IFT74: variants seen among roughly 807,000 people sequenced by gnomAD.
IFT74 encodes intraflagellar transport protein 74 homolog.
IFT74 carries 92 observed loss-of-function variants against 96.7 expected under a neutral mutation model. That is an observed-to-expected ratio of 0.95 (90% CI 0.80 to 1.13). The LOEUF is 1.13. Among genes scored for constraint, IFT74 ranks in the 50% most tolerant of loss-of-function variants. The probability of loss-of-function intolerance (pLI) is 0.00; values close to 1 mark genes in which losing one functional copy is unlikely to be tolerated. For missense variants in IFT74, 811 were observed against 698.2 expected (o/e 1.16, Z -1.82); for synonymous variants, 223 against 213.2 (o/e 1.05, Z -0.40).
intron 4 of IFT74, chr9:26,984,035 C>A: frequency 3.3e-6 from 1 of 307,446 alleles, no homozygotes. Context: ...GCGCCTGCCT[C>A]GGCCTCCCAA....
intron 13 of IFT74, chr9:27,036,430 C>T: frequency 6.2e-7 from 1 of 1,612,454 alleles, no homozygotes; most frequent in Non-Finnish European, 8.5e-7. Context: ...TCTTTGTACC[C>T]ACGGGTTCTT....
chr9:27,056,796 T>G (rs1011763768), intron 18 of IFT74, among the ~76,000 whole-genome samples: 3 of 152,024 alleles, frequency 2.0e-5, no homozygotes, highest in Non-Finnish European at 2.9e-5. Context: ...TAATGATTAG[T>G]ACCCCACCAC....
In IFT74 at chr9:27,050,856, C is replaced by T. The variant is rs1819890406; in HGVS notation, c.1333+2582C>T. Among the ~76,000 whole-genome samples the T allele has an allele frequency of 5.3e-5, 8 of 151,966 alleles. No individual in the cohort carries two copies. The South Asian group carries it at 1.7e-3, about 32-fold the overall frequency. The stretch of plus-strand genomic sequence containing the variant: ...ATATGTAACAAACCTGCACGTTGTG[C>T]ACATGTACCCTAGAACTTAAAGTAT... On this transcript the variant is annotated intron_variant, in intron 16 of 19. Coordinates refer to ENST00000380062, the MANE Select transcript of IFT74 (RefSeq NM_025103.4).
chr9:27,049,466 C>T (rs1564002480), intron 16 of IFT74, among the ~76,000 whole-genome samples: 1 of 152,060 alleles, frequency 6.6e-6, no homozygotes, highest in Non-Finnish European at 1.5e-5. Flanking sequence ...CTGTTAGAAA[C>T]TGTTTGTTTA....
intron 8 of IFT74, among the ~76,000 whole-genome samples, chr9:26,996,899 A>G (rs1353287219): frequency 6.6e-6 from 1 of 152,156 alleles, no homozygotes; most frequent in African/African-American, 2.4e-5. Flanking sequence ...TGACATTATC[A>G]TCTCACATGT....
chr9:27,013,464 ATGT>A (rs1480654573), intron 10 of IFT74, among the ~76,000 whole-genome samples: 2 of 152,230 alleles, frequency 1.3e-5, no homozygotes, highest in African/African-American at 4.8e-5. Flanking sequence ...CAGTTTAAAA[ATGT>A]TGTCAGATTG....
In IFT74 at chr9:26,990,083, A is replaced by T. The variant is rs113149238; in HGVS notation, c.526-51A>T. The stretch of plus-strand genomic sequence containing the variant: ...TAGCCAAAATAACCTACAAAGAAAA[A>T]ATTTGGTTTAATATTTATTTCTTAC... On this transcript the variant is annotated intron_variant, in intron 7 of 19. Transcript: ENST00000380062. The T allele has an allele frequency of 2.8e-4, 309 of 1,121,114 alleles. No homozygotes were observed. In the African/African-American group the frequency reaches 4.2e-3, roughly 15 times the overall value. 69.4% of individuals were successfully genotyped at this position (1,121,114 alleles called of 1,614,324 possible).
At chr9:26,964,714 G>A (rs1426934385) in intron 2 of IFT74, among the ~76,000 whole-genome samples, 2 of 151,966 alleles carry the variant, frequency 1.3e-5, no homozygotes, top group African/African-American at 4.8e-5. Flanking sequence ...GATGCTAGGG[G>A]TAATATTATA....
At chr9:27,055,581 A>T (rs1480085281) in intron 16 of IFT74, 28 bp from the exon 17 acceptor site, 1 of 1,509,562 alleles carries the variant, frequency 6.6e-7, no homozygotes, top group Non-Finnish European at 8.9e-7. Flanking sequence ...ATTTTGATTA[A>T]TTATCACCTT....
chr9:27,058,714 T>C (rs1276352917), intron 18 of IFT74, among the ~76,000 whole-genome samples: 1 of 152,224 alleles, frequency 6.6e-6, no homozygotes, highest in Non-Finnish European at 1.5e-5. Context: ...TAGCATTAGC[T>C]ATTTCATTGT....
chr9:26,994,092 C>T (rs1423271059), intron 8 of IFT74: 14 of 152,100 alleles, frequency 9.2e-5, no homozygotes, highest in African/African-American at 2.4e-4. Flanking sequence ...TTCCAAACTA[C>T]GTTCTTTGGA....
chr9:26,968,172 A>G (rs1826710348), intron 2 of IFT74, among the ~76,000 whole-genome samples: 1 of 149,932 alleles, frequency 6.7e-6, no homozygotes, highest in Non-Finnish European at 1.5e-5. Flanking sequence ...GATCAGTATT[A>G]GTTCTTTTTT....
At chr9:27,050,513 T>C (rs1422777439) in intron 16 of IFT74, among the ~76,000 whole-genome samples, 2 of 152,216 alleles carry the variant, frequency 1.3e-5, no homozygotes, top group Non-Finnish European at 2.9e-5. Flanking sequence ...CTTTGGTTTA[T>C]GAACTAATGG....
chr9:26,986,454 T>C (rs562567503), intron 6 of IFT74, among the ~76,000 whole-genome samples: 1 of 151,988 alleles, frequency 6.6e-6, no homozygotes, highest in Non-Finnish European at 1.5e-5. Context: ...CAGCTGGGAC[T>C]ACAGGCACAT....
At chr9:27,013,750 A>T (rs1829218666) in intron 10 of IFT74, among the ~76,000 whole-genome samples, 1 of 152,144 alleles carries the variant, frequency 6.6e-6, no homozygotes, top group Non-Finnish European at 1.5e-5. Context: ...TGTATCTCAA[A>T]TCTTGCCTCC....
At chr9:27,001,735 G>A (rs765822267) in intron 8 of IFT74, among the ~76,000 whole-genome samples, 2 of 152,108 alleles carry the variant, frequency 1.3e-5, no homozygotes, top group East Asian at 1.9e-4. Context: ...TTTTAGATGG[G>A]TAGTTTGCAA....
intron 8 of IFT74, among the ~76,000 whole-genome samples, chr9:27,002,091 G>C (rs1199221985): frequency 6.6e-6 from 1 of 152,164 alleles, no homozygotes; most frequent in Non-Finnish European, 1.5e-5. Context: ...AGAGAAGGAG[G>C]AAGAAAGAGC....
Position 26,984,513 on chromosome 9 carries a change from C to T in IFT74, c.419C>T (p.Ala140Val). Residue 140 changes from alanine to valine, a missense_variant, in exon 6 of 20, where the codon GCT becomes GTT. By Grantham distance (64) the Ala-to-Val change is moderately conservative. Transcript: ENST00000380062. ...LSYEKRAETL[A>V]VEIKELQGQL... ...TATGCTTTCAGGGCTGAGACTTTAG[C>T]TGTTGAGATAAAAGAGCTTCAAGGA... 6.2e-7 allele frequency: 1 copy of T among 1,612,204 alleles called. No individual in the cohort carries two copies. The highest frequency in any genetic ancestry group is 8.5e-7 in the Non-Finnish European group (1 of 1,178,746).
chr9:27,041,229 A>G (rs1819463138), intron 13 of IFT74, among the ~76,000 whole-genome samples: 1 of 152,220 alleles, frequency 6.6e-6, no homozygotes, highest in Admixed American at 6.5e-5. Context: ...GTTACCCGAT[A>G]AAGTACCTTG....
Sources: allele counts gnomAD v4.1 joint callset (sites outside exome capture counted in the v4.1 genomes callset), GRCh38; gene constraint gnomAD v4.1.1; transcripts MANE v1.5; gene names NCBI Gene and HGNC (gene_info 2026-07-23, HGNC 2026-07-21).